Variants in SETBP1 observed in about 807,000 individuals in gnomAD.
SETBP1 encodes SET binding protein 1, also known as SET-binding protein.
Under a neutral mutation model 101.0 loss-of-function variants are expected in SETBP1, and 9 were observed. The observed-to-expected ratio is 0.09, with a 90% CI of 0.05 to 0.16. The LOEUF (loss-of-function observed/expected upper bound fraction) is 0.16. Ranked by LOEUF, SETBP1 falls within the 10% of genes least tolerant of loss-of-function variation. SETBP1 has a pLI of 1.00. For missense variants in SETBP1, 1,858 were observed against 2,033.8 expected, an observed-to-expected ratio of 0.91 and a Z score of 1.66; for synonymous variants, 818 against 788.5, an observed-to-expected ratio of 1.04 and a Z score of -0.63.
In SETBP1 at chr18:45,068,024, A is replaced by G. The variant is rs2073991692; in HGVS notation, c.*4326A>G. ...TGTTAAATATGTACATATATATTTC[A>G]AAAGAAAAAATGGGGCACAAGATTG... On this transcript the variant is annotated 3_prime_UTR_variant, in exon 6 of 6. Coordinates refer to ENST00000649279, the MANE Select transcript of SETBP1 (RefSeq NM_015559.3). 2 of 152,264 alleles carry G rather than the reference A, an allele frequency of 1.3e-5. No homozygotes were observed. The highest frequency in any genetic ancestry group is 4.8e-5 in the African/African-American group (2 of 41,472). The allele number at this position is 152,264 out of a possible 1,614,324, so 9.4% of individuals were successfully genotyped here.
At chr18:44,935,433 G>C (rs528597661) in intron 3 of SETBP1, among the ~76,000 whole-genome samples, 3 of 152,060 alleles carry the variant, frequency 2.0e-5, no homozygotes, top group Admixed American at 6.5e-5. Context: ...AATACCCACA[G>C]GCTAGGTATA....
At chr18:44,778,745 G>T (rs76210398) in intron 2 of SETBP1, among the ~76,000 whole-genome samples, 2,078 of 152,330 alleles carry the variant, frequency 0.014, 52 homozygotes, top group African/African-American at 0.045. Context: ...GGAGTGAGGA[G>T]CCTGCGGAAG....
chr18:44,826,637 G>C (rs1464295267), intron 2 of SETBP1, among the ~76,000 whole-genome samples: 1 of 151,764 alleles, frequency 6.6e-6, no homozygotes, highest in African/African-American at 2.4e-5. Flanking sequence ...TTTTTTTCCT[G>C]TTCCTGTTGT....
intron 3 of SETBP1, among the ~76,000 whole-genome samples, chr18:44,905,768 A>G (rs1453879915): frequency 2.6e-5 from 4 of 152,228 alleles, no homozygotes; most frequent in African/African-American, 7.2e-5. Context: ...AGCAGGTTTC[A>G]GCATCGAAGC....
At chr18:44,790,046 C>A (rs2071338417) in intron 2 of SETBP1, among the ~76,000 whole-genome samples, 1 of 152,166 alleles carries the variant, frequency 6.6e-6, no homozygotes. Flanking sequence ...ATTTTTCTCA[C>A]TTCTCCTTTG....
At chr18:44,897,648 TC>T (rs2069938429) in intron 3 of SETBP1, among the ~76,000 whole-genome samples, 1 of 152,250 alleles carries the variant, frequency 6.6e-6, no homozygotes, top group Non-Finnish European at 1.5e-5. Flanking sequence ...GAAATGCTGT[TC>T]CAGCTCTCAG....
chr18:44,876,549 C>A (rs796963442), intron 3 of SETBP1: 1 of 1,537,100 alleles, frequency 6.5e-7, no homozygotes, highest in Non-Finnish European at 8.8e-7. Context: ...TCTAAGTCAG[C>A]CTCCTCATTT....
intron 3 of SETBP1, among the ~76,000 whole-genome samples, chr18:44,936,464 G>C (rs185760982): frequency 1.3e-5 from 2 of 152,288 alleles, no homozygotes; most frequent in African/African-American, 4.8e-5. Flanking sequence ...TTCTGAAGTC[G>C]GCTTCCAGCT....
In SETBP1 at chr18:44,799,513, A is replaced by G. The variant is rs141966369; in HGVS notation, c.487-69717A>G. 1.3e-3 allele frequency among the ~76,000 whole-genome samples: 191 copies of G among 152,288 alleles called. 3 individuals are homozygous for G. The South Asian group carries it at 0.014, about 11-fold the overall frequency. On this transcript the variant is annotated intron_variant, in intron 2 of 5. Transcript: ENST00000649279. Reference sequence around the variant, plus strand: ...CTTGCGCATGTGTGTGCTTATTGAAATGATGTCTCTCTACCTCCAGGTTGT... The same window carrying G: ...CTTGCGCATGTGTGTGCTTATTGAAGTGATGTCTCTCTACCTCCAGGTTGT...
At chr18:44,921,896 C>T (rs180887423) in intron 3 of SETBP1, among the ~76,000 whole-genome samples, 75 of 152,268 alleles carry the variant, frequency 4.9e-4, no homozygotes, top group African/African-American at 1.7e-3. Flanking sequence ...TTCCAGGGCA[C>T]AAGGAACTCC....
chr18:44,933,518 G>A (rs960105671), intron 3 of SETBP1, among the ~76,000 whole-genome samples: 4 of 152,356 alleles, frequency 2.6e-5, no homozygotes, highest in Admixed American at 6.5e-5. Flanking sequence ...AGTTTCTGCT[G>A]CTTTTTGTTC....
intron 2 of SETBP1, among the ~76,000 whole-genome samples, chr18:44,802,940 G>T (rs534737830): frequency 3.4e-4 from 52 of 152,156 alleles, no homozygotes; most frequent in African/African-American, 1.1e-3. Flanking sequence ...TGTTCCCCTG[G>T]CATCAGAGGA....
At chr18:44,858,393 T>G (rs997313851) in intron 2 of SETBP1, among the ~76,000 whole-genome samples, 1 of 152,232 alleles carries the variant, frequency 6.6e-6, no homozygotes, top group African/African-American at 2.4e-5. Flanking sequence ...TGCACAGTTT[T>G]CAAATAGCAG....
At chr18:44,868,689 A>T (rs1419159835) in intron 2 of SETBP1, among the ~76,000 whole-genome samples, 1 of 130,886 alleles carries the variant, frequency 7.6e-6, no homozygotes, top group African/African-American at 2.7e-5. Context: ...AGAGAGAGAG[A>T]GAGAGAGAGG....
At chr18:44,861,609 T>A (rs926059647) in intron 2 of SETBP1, among the ~76,000 whole-genome samples, 3 of 152,144 alleles carry the variant, frequency 2.0e-5, no homozygotes, top group South Asian at 4.1e-4. Context: ...GATATTATGA[T>A]GTAGTGAAAA....
intron 3 of SETBP1, among the ~76,000 whole-genome samples, chr18:44,881,870 G>C (rs1162778691): frequency 6.6e-6 from 1 of 152,202 alleles, no homozygotes; most frequent in African/African-American, 2.4e-5. Flanking sequence ...AAACCTCTCT[G>C]TAGAGTAACC....
At chr18:45,017,801 A>G (rs1214671094) in intron 4 of SETBP1, among the ~76,000 whole-genome samples, 1 of 152,236 alleles carries the variant, frequency 6.6e-6, no homozygotes, top group Admixed American at 6.5e-5. Context: ...GAGTCTGCCC[A>G]CCACACTGCG....
chr18:45,007,009 G>A (rs959078715), intron 4 of SETBP1, among the ~76,000 whole-genome samples: 7 of 152,190 alleles, frequency 4.6e-5, no homozygotes, highest in Non-Finnish European at 1.0e-4. Context: ...TGGTTTGCGA[G>A]AGATTATCAT....
chr18:44,704,590 A>G (rs769154234), intron 2 of SETBP1, among the ~76,000 whole-genome samples: 6 of 152,206 alleles, frequency 3.9e-5, no homozygotes, highest in Non-Finnish European at 7.3e-5. Context: ...GATGACAGGA[A>G]CATCCTCTGA....
Sources: gnomAD v4.1 joint callset for allele counts (sites outside exome capture counted in the v4.1 genomes callset) on GRCh38, gnomAD v4.1.1 for gene constraint, MANE v1.5 for transcripts, NCBI Gene and HGNC (gene_info 2026-07-23, HGNC 2026-07-21) for gene names.